Variants in STK3 observed in about 807,000 individuals in gnomAD.
STK3 encodes the protein serine/threonine-protein kinase 3.
STK3 carries 41 observed loss-of-function variants against 58.0 expected under a neutral mutation model. The observed-to-expected ratio is 0.71, with a 90% confidence interval of 0.55 to 0.92. STK3 has a LOEUF of 0.92. Among genes scored for constraint, STK3 ranks in the 40% least tolerant of loss-of-function variants. The pLI, the probability that STK3 is intolerant of heterozygous loss-of-function variation, is 0.00. For synonymous variants in STK3, 170 were observed against 191.0 expected, an observed-to-expected ratio of 0.89 and a Z score of 0.91; for missense variants, 479 against 602.7, an observed-to-expected ratio of 0.79 and a Z score of 2.15.
At chr8:98,617,235 G>C (rs1246458196) in intron 6 of STK3, among the ~76,000 whole-genome samples, 1 of 149,024 alleles carries the variant, frequency 6.7e-6, no homozygotes, top group East Asian at 2.0e-4. Context: ...CGAAATGAAG[G>C]CAGAAATAAA....
rs532013285 is a variant in STK3 at position 98,835,890 on chromosome 8, A to G, written c.110+47757T>C. On this transcript the variant is annotated intron_variant, in intron 3 of 12. Transcript: ENST00000523601. ...TCAGGCTGCTATAACAAAACATCAT[A>G]AACTGTTGGCTTATAAACAAGAGAA... Among the ~76,000 whole-genome samples, 11 of 152,228 alleles carry G rather than the reference A, an allele frequency of 7.2e-5. No homozygotes were observed. In the South Asian group the frequency reaches 2.3e-3, roughly 32 times the overall value.
intron 10 of STK3, among the ~76,000 whole-genome samples, chr8:98,487,313 G>A (rs1172148247): frequency 6.6e-6 from 1 of 152,186 alleles, no homozygotes; most frequent in Non-Finnish European, 1.5e-5. Context: ...AGGGGACTAT[G>A]TTGTGTTACT....
intron 8 of STK3, among the ~76,000 whole-genome samples, chr8:98,558,192 C>T (rs1206054023): frequency 1.3e-5 from 2 of 151,974 alleles, no homozygotes; most frequent in Non-Finnish European, 2.9e-5. Context: ...CTGTTGTGTT[C>T]TTACAAGCAG....
intron 3 of STK3, among the ~76,000 whole-genome samples, chr8:98,849,544 C>G (rs1017588852): frequency 6.6e-6 from 1 of 152,182 alleles, no homozygotes. Flanking sequence ...TCTCACATAA[C>G]TGAGAAGTTT....
intron 2 of STK3, among the ~76,000 whole-genome samples, chr8:98,372,545 T>G (rs74966276): frequency 0.47 from 71,836 of 151,842 alleles, 18,295 homozygotes; most frequent in Non-Finnish European, 0.57. Context: ...TTTTTTGTTT[T>G]TTTTTTTCCC....
chr8:98,482,175 T>C (rs111408936), intron 10 of STK3, among the ~76,000 whole-genome samples: 2 of 152,334 alleles, frequency 1.3e-5, no homozygotes, highest in African/African-American at 4.8e-5. Flanking sequence ...ATTTTTGACA[T>C]GCAAGTCTTG....
intron 10 of STK3, among the ~76,000 whole-genome samples, chr8:98,510,737 TC>T (rs1250333907): frequency 2.0e-5 from 3 of 152,130 alleles, no homozygotes; most frequent in African/African-American, 7.2e-5. Flanking sequence ...GCTGTTTGCT[TC>T]AATTTTGCAA....
At chr8:98,464,189 A>C (rs1384458207) in intron 10 of STK3, among the ~76,000 whole-genome samples, 1 of 152,146 alleles carries the variant, frequency 6.6e-6, no homozygotes. Flanking sequence ...TAACAACAAG[A>C]ATTTTCTATG....
chr8:98,485,384 T>C (rs977967055), intron 10 of STK3, among the ~76,000 whole-genome samples: 2 of 152,216 alleles, frequency 1.3e-5, no homozygotes, highest in African/African-American at 4.8e-5. Context: ...CTAAATTTTA[T>C]GGAGTGTGTT....
intron 9 of STK3, among the ~76,000 whole-genome samples, chr8:98,535,149 G>C (rs998998674): frequency 1.3e-5 from 2 of 151,944 alleles, no homozygotes; most frequent in African/African-American, 4.8e-5. Context: ...AGGGAGGAGA[G>C]AAAAAATGGT....
At chr8:98,910,502 G>T (rs1212176869) in intron 1 of STK3, among the ~76,000 whole-genome samples, 1 of 152,070 alleles carries the variant, frequency 6.6e-6, no homozygotes, top group Non-Finnish European at 1.5e-5. Context: ...ATATTGAGAA[G>T]GAAACTTCTA....
chr8:98,725,297 A>G (rs1271390808), intron 4 of STK3, among the ~76,000 whole-genome samples: 2 of 152,228 alleles, frequency 1.3e-5, no homozygotes, highest in African/African-American at 4.8e-5. Flanking sequence ...GAAAGAATCC[A>G]CAAGAAATTA....
intron 6 of STK3, among the ~76,000 whole-genome samples, chr8:98,687,389 C>T (rs559892495): frequency 7.1e-4 from 108 of 152,186 alleles, no homozygotes; most frequent in Non-Finnish European, 1.2e-3. Flanking sequence ...AAAGGGTTCA[C>T]GCTCCTAAGA....
At chr8:98,804,622 G>C (rs1833792808) in intron 1 of STK3, among the ~76,000 whole-genome samples, 2 of 152,036 alleles carry the variant, frequency 1.3e-5, no homozygotes, top group African/African-American at 4.8e-5. Flanking sequence ...AACTCAACTA[G>C]TTATCTCCAC....
At chr8:98,524,068 T>C (rs1197692913) in intron 10 of STK3, among the ~76,000 whole-genome samples, 1 of 152,236 alleles carries the variant, frequency 6.6e-6, no homozygotes, top group African/African-American at 2.4e-5. Context: ...TTCTTTTGCA[T>C]GTGGATATCC....
intron 1 of STK3, among the ~76,000 whole-genome samples, chr8:98,910,656 G>T (rs973776467): frequency 1.3e-5 from 2 of 152,174 alleles, no homozygotes; most frequent in Admixed American, 6.5e-5. Context: ...CATGTAGCCC[G>T]CATTATTGGA....
intron 1 of STK3, among the ~76,000 whole-genome samples, chr8:98,444,212 T>C (rs1184376438): frequency 6.6e-6 from 1 of 152,042 alleles, no homozygotes; most frequent in African/African-American, 2.4e-5. Flanking sequence ...ACAGAGGAGG[T>C]GTCCCTGAGC....
At chr8:98,473,422 T>C (rs1042220923) in intron 10 of STK3, among the ~76,000 whole-genome samples, 1 of 152,148 alleles carries the variant, frequency 6.6e-6, no homozygotes, top group Non-Finnish European at 1.5e-5. Context: ...ACTTTTATTG[T>C]TTTTTCTTAT....
At chr8:98,932,852 C>A (rs935324448) in intron 1 of STK3, among the ~76,000 whole-genome samples, 6 of 152,166 alleles carry the variant, frequency 3.9e-5, no homozygotes, top group African/African-American at 1.4e-4. Flanking sequence ...AATCAAGTCA[C>A]CACTTTTTCC....
Sources: gnomAD v4.1 joint callset for allele counts (sites outside exome capture counted in the v4.1 genomes callset) on GRCh38, gnomAD v4.1.1 for gene constraint, MANE v1.5 for transcripts, NCBI Gene and HGNC (gene_info 2026-07-23, HGNC 2026-07-21) for gene names.